Variants in ABCB7 observed in about 807,000 individuals in gnomAD.
The protein encoded by ABCB7 is iron-sulfur clusters transporter ABCB7, mitochondrial.
Under a neutral mutation model 54.4 loss-of-function variants are expected in ABCB7, and 7 were observed. That is an observed-to-expected ratio of 0.13 (90% CI 0.07 to 0.24). The LOEUF (loss-of-function observed/expected upper bound fraction) is 0.24, where lower values mean the gene tolerates loss of function less well. Among genes scored for constraint, ABCB7 ranks in the 10% least tolerant of loss-of-function variants. ABCB7 has a pLI of 1.00. For missense variants in ABCB7, 356 were observed against 570.4 expected (o/e 0.62, Z 3.83); for synonymous variants, 218 against 207.1 (o/e 1.05, Z -0.45).
chrX:75,145,578 C>T (rs989958593), intron 1 of ABCB7, among the ~76,000 whole-genome samples: 1 of 111,586 alleles, frequency 9.0e-6, no homozygotes, highest in Non-Finnish European at 1.9e-5. Context: ...AGGAACATAC[C>T]TCAAAATATG....
chrX:75,074,403 G>A (rs1037540194), intron 6 of ABCB7, among the ~76,000 whole-genome samples: 3 of 111,612 alleles, frequency 2.7e-5, no homozygotes, highest in Admixed American at 9.5e-5. Flanking sequence ...CACTGCTGGT[G>A]GGAATGGAAA....
At chrX:75,057,479 C>G (rs1349568684) in intron 15 of ABCB7, among the ~76,000 whole-genome samples, 1 of 109,912 alleles carries the variant, frequency 9.1e-6, no homozygotes, top group Admixed American at 9.8e-5. Flanking sequence ...GCCTCAGTCT[C>G]CCAAGTGGCT....
In ABCB7 at chrX:75,068,160, G is replaced by GA. The variant is rs1305015001; in HGVS notation, c.1659+846dup. On this transcript the variant is annotated intron_variant, in intron 12 of 15. Coordinates refer to ENST00000373394, the MANE Select transcript of ABCB7 (RefSeq NM_001271696.3). ...ATTTTCAGTGAAAAAGAGGACAGGG[G>GA]AGAGTCCATGTGTGCGATCATTTAG... is the stretch of plus-strand genomic sequence containing the variant. Among the ~76,000 whole-genome samples the GA allele has an allele frequency of 2.7e-5, 3 of 110,722 alleles. No individual in the cohort carries two copies. In the East Asian group the frequency reaches 8.5e-4, roughly 31 times the overall value.
intron 1 of ABCB7, among the ~76,000 whole-genome samples, chrX:75,119,406 C>T (rs930946287): frequency 1.2e-4 from 13 of 112,030 alleles, no homozygotes; most frequent in Admixed American, 2.8e-4. Context: ...GGGTATTATT[C>T]GGTTTTTCCG....
At chrX:75,146,417 C>T (rs2082091440) in intron 1 of ABCB7, among the ~76,000 whole-genome samples, 1 of 111,977 alleles carries the variant, frequency 8.9e-6, no homozygotes, top group Admixed American at 9.5e-5. Flanking sequence ...TGATTTCAAA[C>T]TATACTACAA....
At chrX:75,088,747 T>C (rs779736844) in intron 4 of ABCB7, among the ~76,000 whole-genome samples, 3 of 107,080 alleles carry the variant, frequency 2.8e-5, no homozygotes, top group Admixed American at 2.0e-4. Context: ...ATAATTGAAA[T>C]AATGAAGGCT....
intron 15 of ABCB7, among the ~76,000 whole-genome samples, chrX:75,057,531 G>A (rs1312052257): frequency 9.2e-6 from 1 of 109,238 alleles, no homozygotes; most frequent in Non-Finnish European, 1.9e-5. Flanking sequence ...CCTTATTTTA[G>A]AAATACTGTA....
intron 1 of ABCB7, among the ~76,000 whole-genome samples, chrX:75,137,064 A>C (rs1368179751): frequency 6.2e-5 from 7 of 112,344 alleles, no homozygotes; most frequent in African/African-American, 2.3e-4. Context: ...GCTGCTGTAC[A>C]GCAAAAGAAA....
chrX:75,079,148 A>G (rs1158356608), intron 4 of ABCB7, among the ~76,000 whole-genome samples: 2 of 112,220 alleles, frequency 1.8e-5, no homozygotes, highest in African/African-American at 6.5e-5. Context: ...GTAAGTGTTC[A>G]GGACGTGTGA....
intron 1 of ABCB7, among the ~76,000 whole-genome samples, chrX:75,115,922 T>G (rs2081813884): frequency 9.0e-6 from 1 of 111,321 alleles, no homozygotes; most frequent in Non-Finnish European, 1.9e-5. Context: ...GGCAATGACA[T>G]GCCAAATTCC....
At chrX:75,119,172 T>C (rs991663397) in intron 1 of ABCB7, among the ~76,000 whole-genome samples, 24 of 112,137 alleles carry the variant, frequency 2.1e-4, no homozygotes, top group African/African-American at 7.1e-4. Context: ...CTTTGGGAAA[T>C]AGAAACAGTT....
At chrX:75,153,634 C>T (rs1160838524) in intron 1 of ABCB7, among the ~76,000 whole-genome samples, 1 of 107,559 alleles carries the variant, frequency 9.3e-6, no homozygotes, top group Non-Finnish European at 1.9e-5. Context: ...CAGTACCTAT[C>T]CAAAAGAACT....
intron 15 of ABCB7, among the ~76,000 whole-genome samples, chrX:75,056,703 T>C (rs2081243382): frequency 9.0e-6 from 1 of 111,680 alleles, no homozygotes; most frequent in African/African-American, 3.3e-5. Flanking sequence ...AAATTCAGAC[T>C]GATAATACTA....
At chrX:75,129,344 G>A (rs955191471) in intron 1 of ABCB7, among the ~76,000 whole-genome samples, 2 of 110,613 alleles carry the variant, frequency 1.8e-5, no homozygotes, top group African/African-American at 6.6e-5. Context: ...ACTAACACAG[G>A]AACAGAAAAC....
intron 1 of ABCB7, among the ~76,000 whole-genome samples, chrX:75,142,932 T>C (rs1197641240): frequency 8.9e-6 from 1 of 112,484 alleles, no homozygotes; most frequent in East Asian, 2.8e-4. Context: ...ATGTTCTTTT[T>C]GTAAACATAG....
intron 14 of ABCB7, 43 bp from the exon 15 acceptor site, chrX:75,060,373 A>C (rs778468842): frequency 1.1e-6 from 1 of 950,512 alleles, no homozygotes; most frequent in South Asian, 2.0e-5. Flanking sequence ...AATAAAAAGA[A>C]GTACACATTA....
At chrX:75,074,005 CCAAA>C (rs774679333) in intron 6 of ABCB7, 49 bp from the exon 7 acceptor site, 18 of 1,036,269 alleles carry the variant, frequency 1.7e-5, no homozygotes, top group Admixed American at 9.0e-5. Flanking sequence ...ATTGTTCTTC[CCAAA>C]CAGTTTGTAA....
rs539437407 is a variant in ABCB7 at position 75,092,997 on chromosome X, T to C, written c.453+5945A>G. ...GAATGGTATACCAACTATAAAAGGTTATTTGGCAGTTTCATACAAAACAAA... is the reference window on the plus strand; with the variant it reads ...GAATGGTATACCAACTATAAAAGGTCATTTGGCAGTTTCATACAAAACAAA... On this transcript the variant is annotated intron_variant, in intron 4 of 15. Coordinates refer to ENST00000373394, the MANE Select transcript of ABCB7 (RefSeq NM_001271696.3). 8.9e-5 allele frequency among the ~76,000 whole-genome samples: 10 copies of C among 112,048 alleles called. 1 individual carries two copies. The East Asian group carries it at 2.8e-3, about 31-fold the overall frequency.
At chrX:75,112,727 T>A (rs2081771643) in intron 3 of ABCB7, among the ~76,000 whole-genome samples, 159 bp downstream of exon 3, 1 of 93,538 alleles carries the variant, frequency 1.1e-5, no homozygotes, top group Non-Finnish European at 2.2e-5. Context: ...AAATATCATC[T>A]ATAAACTATG....
Sources: allele counts gnomAD v4.1 joint callset (sites outside exome capture counted in the v4.1 genomes callset), GRCh38; gene constraint gnomAD v4.1.1; transcripts MANE v1.5; gene names NCBI Gene and HGNC (gene_info 2026-07-23, HGNC 2026-07-21).